Variants in UGT1A8 observed in about 807,000 individuals in gnomAD.
UGT1A8 encodes the protein UDP-glucuronosyltransferase 1A8.
A neutral mutation model predicts 45.3 loss-of-function variants in UGT1A8; 39 were observed. The observed-to-expected ratio is 0.86, with a 90% confidence interval of 0.67 to 1.12. The LOEUF is 1.12. Ranked by LOEUF, UGT1A8 falls within the 50% of genes most tolerant of loss-of-function variation. The probability of loss-of-function intolerance (pLI) is 0.00; values close to 1 mark genes in which losing one functional copy is unlikely to be tolerated. For synonymous variants in UGT1A8, 275 were observed against 249.2 expected, an observed-to-expected ratio of 1.10 and a Z score of -0.97; for missense variants, 719 against 664.9, an observed-to-expected ratio of 1.08 and a Z score of -0.90.
intron 1 of UGT1A8, among the ~76,000 whole-genome samples, chr2:233,636,289 A>G (rs914322081): frequency 2.1e-5 from 3 of 140,742 alleles, no homozygotes; most frequent in Non-Finnish European, 4.6e-5. Flanking sequence ...CTCCAAGGCG[A>G]AGACCATAAT....
chr2:233,727,172 G>A (rs930119723), intron 1 of UGT1A8, among the ~76,000 whole-genome samples: 2 of 152,114 alleles, frequency 1.3e-5, no homozygotes, highest in African/African-American at 2.4e-5. Flanking sequence ...GCTTTTTTCT[G>A]TCTCTGGACT....
chr2:233,702,607 C>T (rs1338677633), intron 1 of UGT1A8, among the ~76,000 whole-genome samples: 1 of 151,988 alleles, frequency 6.6e-6, no homozygotes, highest in Non-Finnish European at 1.5e-5. Context: ...TGAGTAGATG[C>T]CCCCCACATT....
intron 1 of UGT1A8, among the ~76,000 whole-genome samples, chr2:233,687,583 TAAAAAAAAAA>T (rs71398794): frequency 1.9e-5 from 2 of 107,472 alleles, no homozygotes; most frequent in Non-Finnish European, 1.9e-5. Context: ...ACATTCTTTG[TAAAAAAAAAA>T]AAAAAAAAAA....
intron 1 of UGT1A8, among the ~76,000 whole-genome samples, chr2:233,706,927 T>G (rs2075931313): frequency 6.6e-6 from 1 of 152,158 alleles, no homozygotes; most frequent in African/African-American, 2.4e-5. Context: ...AGTATGAGTC[T>G]GGTGAGATGG....
intron 1 of UGT1A8, among the ~76,000 whole-genome samples, chr2:233,744,426 A>T (rs1305871447): frequency 6.6e-6 from 1 of 151,832 alleles, no homozygotes; most frequent in African/African-American, 2.4e-5. Flanking sequence ...TGTGGATTAT[A>T]TCTATCATAC....
intron 1 of UGT1A8, chr2:233,649,163 C>A: frequency 2.1e-6 from 1 of 485,270 alleles, no homozygotes; most frequent in Non-Finnish European, 3.1e-6. Flanking sequence ...TATTTTGTGC[C>A]ATCCACGTGT....
chr2:233,713,285 A>T, intron 1 of UGT1A8: 1 of 1,614,230 alleles, frequency 6.2e-7, no homozygotes. Context: ...GTCACACTCA[A>T]TCGTTCTTTG....
At chr2:233,671,257 C>T (rs17868321) in intron 1 of UGT1A8, among the ~76,000 whole-genome samples, 1,896 of 152,276 alleles carry the variant, frequency 0.012, 18 homozygotes, top group Admixed American at 0.02. Flanking sequence ...CTTCCCACTG[C>T]GTGCGATGTA....
chr2:233,627,204 C>T lies in UGT1A8; in HGVS notation c.855+8642C>T, dbSNP rs1597942. Among the ~76,000 whole-genome samples, 1,490 of 152,072 alleles carry T rather than the reference C, an allele frequency of 9.8e-3. 15 individuals are homozygous for T. The highest frequency in any genetic ancestry group is 0.037 in the Middle Eastern group (11 of 294). ...TTTTGTTTTTTTCCAGAATAGGGCACTGTCATCTGTATTAAAACCCTGTTC... is the reference window on the plus strand; with the variant it reads ...TTTTGTTTTTTTCCAGAATAGGGCATTGTCATCTGTATTAAAACCCTGTTC... On this transcript the variant is annotated intron_variant, in intron 1 of 4. Coordinates refer to ENST00000373450, the MANE Select transcript of UGT1A8 (RefSeq NM_019076.5).
chr2:233,716,153 A>G (rs2076488369), intron 1 of UGT1A8, among the ~76,000 whole-genome samples: 1 of 152,066 alleles, frequency 6.6e-6, no homozygotes. Flanking sequence ...TTCCATTTCC[A>G]TGGAGATGCA....
chr2:233,618,339 T>A lies in UGT1A8; in HGVS notation c.632T>A (p.Ile211Asn), dbSNP rs1292936664. 3.1e-6 allele frequency: 5 copies of A among 1,613,814 alleles called. No homozygotes were observed. Among genetic ancestry groups the A allele is most frequent in the Middle Eastern group, 1.6e-4 (1 of 6,078 alleles). Reference sequence around the variant, plus strand: ...TTCAAGGAGAGAGTACGGAACCACATCATGCACTTGGAGGAACATTTATTT... The same window carrying A: ...TTCAAGGAGAGAGTACGGAACCACAACATGCACTTGGAGGAACATTTATTT... ...MTFKERVRNH[I>N]MHLEEHLFCQ... Residue 211 changes from isoleucine to asparagine, a missense_variant, in exon 1 of 5, where the codon ATC (isoleucine) becomes AAC (asparagine). Transcript: ENST00000373450.
At chr2:233,690,491 C>G in intron 1 of UGT1A8, 2 of 1,289,678 alleles carry the variant, frequency 1.6e-6, no homozygotes, top group South Asian at 2.5e-5. Context: ...GAAATCTGCT[C>G]TTGCCAACAG....
intron 1 of UGT1A8, chr2:233,648,815 A>C (rs1474378429): frequency 9.9e-7 from 1 of 1,005,078 alleles, no homozygotes; most frequent in Admixed American, 1.8e-5. Flanking sequence ...TTCTACTTAG[A>C]GGAGCATTTA....
intron 1 of UGT1A8, among the ~76,000 whole-genome samples, chr2:233,717,485 C>A (rs1315707595): frequency 6.6e-6 from 1 of 152,214 alleles, no homozygotes; most frequent in Non-Finnish European, 1.5e-5. Context: ...AAGGTGGAAT[C>A]TGTTATCAAT....
chr2:233,621,071 G>T (rs1166646379), intron 1 of UGT1A8, among the ~76,000 whole-genome samples: 1 of 152,142 alleles, frequency 6.6e-6, no homozygotes, highest in African/African-American at 2.4e-5. Context: ...AGTCTATCCA[G>T]GAGAATTACA....
intron 1 of UGT1A8, chr2:233,713,629 A>T: frequency 1.2e-6 from 2 of 1,613,982 alleles, no homozygotes; most frequent in Non-Finnish European, 1.7e-6. Context: ...AGGGTCAAGA[A>T]CATGCTCTAC....
At chr2:233,666,886 G>A (rs1215498173) in intron 1 of UGT1A8, among the ~76,000 whole-genome samples, 1 of 148,500 alleles carries the variant, frequency 6.7e-6, no homozygotes, top group East Asian at 2.0e-4. Context: ...ACCTATGAGT[G>A]AGAACATGCG....
At chr2:233,636,943 T>C in intron 1 of UGT1A8, 3 of 1,614,184 alleles carry the variant, frequency 1.9e-6, no homozygotes, top group Non-Finnish European at 2.5e-6. Flanking sequence ...AAAGGAGAGT[T>C]CTTTTGATGC....
chr2:233,640,979 G>T (rs547549613), intron 1 of UGT1A8, among the ~76,000 whole-genome samples: 71 of 152,196 alleles, frequency 4.7e-4, no homozygotes, highest in African/African-American at 1.7e-3. Flanking sequence ...TAGCCCTCCT[G>T]CAAAAATAAC....
Sources: gnomAD v4.1 joint callset for allele counts (sites outside exome capture counted in the v4.1 genomes callset) on GRCh38, gnomAD v4.1.1 for gene constraint, MANE v1.5 for transcripts, NCBI Gene and HGNC (gene_info 2026-07-23, HGNC 2026-07-21) for gene names.